Variants in PCSK5 observed in about 807,000 individuals in gnomAD.
The protein encoded by PCSK5 is proprotein convertase subtilisin/kexin type 5.
PCSK5 carries 129 observed loss-of-function variants against 233.2 expected under a neutral mutation model. That is an observed-to-expected ratio of 0.55 (90% CI 0.48 to 0.64). The LOEUF (loss-of-function observed/expected upper bound fraction) is 0.64, where lower values mean the gene tolerates loss of function less well. PCSK5 is among the 30% of genes least tolerant of loss of function. The probability of loss-of-function intolerance (pLI) is 0.00; values close to 1 mark genes in which losing one functional copy is unlikely to be tolerated. For missense variants in PCSK5, 2,076 were observed against 2,430.1 expected (o/e 0.85, Z 3.06); for synonymous variants, 825 against 879.2 (o/e 0.94, Z 1.09).
rs952525445 is a variant in PCSK5, at chr9:75,906,446, C to T, written c.192+15073C>T. Among the ~76,000 whole-genome samples the T allele has an allele frequency of 2.6e-5, 4 of 152,042 alleles. No homozygotes were observed. In the East Asian group the frequency reaches 7.8e-4, roughly 29 times the overall value. ...TTCTCTATGTTGGTCAGGCTGGTCT[C>T]GAGCTCCTGACCTTGTGATCTGCCT... On this transcript the variant is annotated intron_variant, in intron 1 of 37. Transcript: ENST00000674117.
chr9:75,983,995 C>T (rs963591927), intron 2 of PCSK5, among the ~76,000 whole-genome samples: 2 of 152,134 alleles, frequency 1.3e-5, no homozygotes, highest in African/African-American at 4.8e-5. Flanking sequence ...AAAAAACCCA[C>T]TGAACTTTTC....
chr9:75,965,538 T>C (rs1587430002), intron 2 of PCSK5, among the ~76,000 whole-genome samples: 1 of 152,318 alleles, frequency 6.6e-6, no homozygotes, highest in East Asian at 1.9e-4. Context: ...TCCCTTCTTC[T>C]GCTTTTTGTT....
intron 5 of PCSK5, among the ~76,000 whole-genome samples, chr9:76,043,016 G>A (rs1829189973): frequency 6.6e-6 from 1 of 152,104 alleles, no homozygotes; most frequent in South Asian, 2.1e-4. Flanking sequence ...ATTGCTAAAG[G>A]ATTGGCAGAC....
chr9:76,296,632 G>T lies in PCSK5; in HGVS notation c.3323-33G>T, dbSNP rs79463143. The T allele has an allele frequency of 6.1e-4, 899 of 1,465,452 alleles. 3 individuals carry two copies. The African/African-American group carries it at 0.012, about 19-fold the overall frequency. 90.8% of individuals were successfully genotyped at this position (1,465,452 alleles called of 1,614,324 possible). On this transcript the variant is annotated intron_variant, in intron 26 of 37. Coordinates refer to ENST00000674117, the MANE Select transcript of PCSK5 (RefSeq NM_001372043.1). ...ACTTGGCCTTGCAAAGATCACTAAAGCCTTCATGCTTTCTCTCTGTGTTCT... is the reference window on the plus strand; with the variant it reads ...ACTTGGCCTTGCAAAGATCACTAAATCCTTCATGCTTTCTCTCTGTGTTCT...
At chr9:76,284,976 G>C (rs191250085) in intron 24 of PCSK5, among the ~76,000 whole-genome samples, 1 of 152,142 alleles carries the variant, frequency 6.6e-6, no homozygotes, top group Non-Finnish European at 1.5e-5. Context: ...TGCAAGTGGA[G>C]GGTGAGCATA....
At chr9:76,172,236 G>A (rs904719163) in intron 13 of PCSK5, among the ~76,000 whole-genome samples, 3 of 151,996 alleles carry the variant, frequency 2.0e-5, no homozygotes, top group Non-Finnish European at 4.4e-5. Context: ...ACCTATATAC[G>A]CAGATTGCAT....
chr9:75,909,223 G>T (rs1430917467), intron 1 of PCSK5, among the ~76,000 whole-genome samples: 1 of 152,018 alleles, frequency 6.6e-6, no homozygotes, highest in Non-Finnish European at 1.5e-5. Context: ...TACTCTGGGA[G>T]GCTGAGGCAG....
chr9:76,340,230 C>T lies in PCSK5; in HGVS notation c.4966+1783C>T, dbSNP rs142316213. On this transcript the variant is annotated intron_variant, in intron 35 of 37. Transcript: ENST00000674117. ...GATTATACTACATTCATTGTGTATCCCTTGTTTCTACTCTGGAGTGTAAAA... is the reference window on the plus strand; with the variant it reads ...GATTATACTACATTCATTGTGTATCTCTTGTTTCTACTCTGGAGTGTAAAA... Among the ~76,000 whole-genome samples the T allele has an allele frequency of 2.3e-3, 350 of 152,246 alleles. 1 individual carries two copies. Among genetic ancestry groups the T allele is most frequent in the African/African-American group, 7.8e-3 (325 of 41,564 alleles).
chr9:76,296,880 A>G lies in PCSK5; in HGVS notation c.3523+15A>G, dbSNP rs748746166. On this transcript the variant is annotated intron_variant, in intron 27 of 37. Transcript: ENST00000674117. ...ATTCTGGAATGGTATGTGCCCCCCA[A>G]AAAAGAGGTCACAGGGGTCTAGCGA... 10 of 1,584,466 alleles carry G rather than the reference A, an allele frequency of 6.3e-6. No homozygotes were observed. Among genetic ancestry groups the G allele is most frequent in the African/African-American group, 1.4e-5 (1 of 73,976 alleles).
At chr9:75,921,418 C>T (rs1823253642) in intron 1 of PCSK5, among the ~76,000 whole-genome samples, 1 of 152,166 alleles carries the variant, frequency 6.6e-6, no homozygotes, top group African/African-American at 2.4e-5. Flanking sequence ...GCAATGTTTT[C>T]ACCTATAAAA....
chr9:76,081,973 C>T (rs951685105), intron 7 of PCSK5, among the ~76,000 whole-genome samples: 1 of 152,162 alleles, frequency 6.6e-6, no homozygotes, highest in African/African-American at 2.4e-5. Context: ...CTTCATCTTT[C>T]AATTCTGCCT....
chr9:76,104,809 A>G (rs2131674376), intron 8 of PCSK5, among the ~76,000 whole-genome samples: 1 of 144,974 alleles, frequency 6.9e-6, no homozygotes, highest in Middle Eastern at 3.4e-3. Flanking sequence ...ATTGAAAAAA[A>G]ATAAAACTTG....
At chr9:76,040,360 TCTCTC>T (rs1240740602) in intron 5 of PCSK5, among the ~76,000 whole-genome samples, 7 of 63,398 alleles carry the variant, frequency 1.1e-4, no homozygotes, top group Non-Finnish European at 1.8e-4. Context: ...TCTCTCTCTC[TCTCTC>T]TCTCTCTCTC....
intron 31 of PCSK5, 130 bp from the exon 32 acceptor site, chr9:76,322,922 G>GT: frequency 1.6e-6 from 1 of 623,966 alleles, no homozygotes; most frequent in Non-Finnish European, 2.8e-6. Flanking sequence ...CCCTGGCAGG[G>GT]TGGGTAAAGG....
chr9:76,180,073 A>ATGTGTG (rs1349640452), intron 15 of PCSK5, among the ~76,000 whole-genome samples: 1 of 128,822 alleles, frequency 7.8e-6, no homozygotes, highest in African/African-American at 3.2e-5. Flanking sequence ...GTTTATATAT[A>ATGTGTG]TATGTGTGTG....
intron 1 of PCSK5, among the ~76,000 whole-genome samples, chr9:75,923,852 T>C (rs1823360175): frequency 6.6e-6 from 1 of 152,196 alleles, no homozygotes; most frequent in Non-Finnish European, 1.5e-5. Flanking sequence ...CCTTGGCTTG[T>C]GGACCCTTCT....
chr9:75,962,320 G>A (rs1399089297), intron 2 of PCSK5, among the ~76,000 whole-genome samples: 1 of 152,136 alleles, frequency 6.6e-6, no homozygotes, highest in Non-Finnish European at 1.5e-5. Context: ...GGGTCAAAAG[G>A]AGGATGTGGA....
Position 76,189,712 on chromosome 9 carries a change from A to C in PCSK5, c.2592A>C (p.Leu864Phe). 1 of 1,610,844 alleles carries C rather than the reference A, an allele frequency of 6.2e-7. No individual in the cohort carries two copies. The highest frequency in any genetic ancestry group is 8.5e-7 in the Non-Finnish European group (1 of 1,177,158). ...GCCCTAGTGGGTATCTCTTAGACTTAGGAATGTGTCAAATGGGAGCCATTT... is the reference window on the plus strand; with the variant it reads ...GCCCTAGTGGGTATCTCTTAGACTTCGGAATGTGTCAAATGGGAGCCATTT... The part of the protein sequence containing the change: ...TSCPSGYLLD[L>F]GMCQMGAICK... The change falls in exon 20 of 38, where the codon TTA becomes TTC. Residue 864 changes from leucine to phenylalanine, a missense_variant. Physicochemically the swap from Leu to Phe is conservative, Grantham distance 22 (BLOSUM62 0). Around this residue, in one of 6 missense-constraint regions of PCSK5, gnomAD observed 1,510 missense variants for 1,538.1 expected, o/e 0.98. Coordinates refer to ENST00000674117, the MANE Select transcript of PCSK5 (RefSeq NM_001372043.1).
intron 5 of PCSK5, among the ~76,000 whole-genome samples, chr9:76,043,769 A>G (rs1829239654): frequency 6.6e-6 from 1 of 152,122 alleles, no homozygotes. Flanking sequence ...ACAGTGCTTC[A>G]CCATGTTGCC....
Sources: allele counts gnomAD v4.1 joint callset (sites outside exome capture counted in the v4.1 genomes callset), GRCh38; gene constraint gnomAD v4.1.1; regional missense constraint gnomAD v4.1.1; transcripts MANE v1.5; gene names NCBI Gene and HGNC (gene_info 2026-07-23, HGNC 2026-07-21).